Variants in DGKB observed in about 807,000 individuals in gnomAD.
The protein encoded by DGKB is diacylglycerol kinase beta.
DGKB carries 67 observed loss-of-function variants against 114.3 expected under a neutral mutation model. The observed-to-expected ratio is 0.59, with a 90% CI of 0.48 to 0.72. The LOEUF (loss-of-function observed/expected upper bound fraction) is 0.72, where lower values mean the gene tolerates loss of function less well. Ranked by LOEUF, DGKB falls within the 30% of genes least tolerant of loss-of-function variation. DGKB has a pLI of 0.00. For synonymous variants in DGKB, 398 were observed against 323.1 expected (o/e 1.23, Z -2.49); for missense variants, 907 against 975.2 (o/e 0.93, Z 0.93).
intron 2 of DGKB, among the ~76,000 whole-genome samples, chr7:14,810,868 C>T (rs1843345869): frequency 6.6e-6 from 1 of 152,168 alleles, no homozygotes; most frequent in African/African-American, 2.4e-5. Flanking sequence ...CTTGGCCTCC[C>T]AAAGTGGTGG....
intron 21 of DGKB, among the ~76,000 whole-genome samples, chr7:14,413,814 A>T (rs976238996): frequency 6.6e-6 from 1 of 152,174 alleles, no homozygotes; most frequent in Admixed American, 6.5e-5. Context: ...AATAGAAAAT[A>T]TGAAAAACAT....
intron 24 of DGKB, 40 bp downstream of exon 24, chr7:14,177,991 C>T (rs1417126391): frequency 2.6e-6 from 4 of 1,510,864 alleles, no homozygotes; most frequent in Non-Finnish European, 8.8e-7. Flanking sequence ...TGAGGCTATG[C>T]CATATCAAAC....
At chr7:14,713,119 C>T (rs1357856) in intron 6 of DGKB, among the ~76,000 whole-genome samples, 87,942 of 151,810 alleles carry the variant, frequency 0.58, 26,259 homozygotes, top group East Asian at 0.87. Flanking sequence ...TGCCCACACA[C>T]GTATTTAGTT....
intron 21 of DGKB, among the ~76,000 whole-genome samples, chr7:14,367,248 G>A (rs1563030054): frequency 6.6e-6 from 1 of 152,024 alleles, no homozygotes; most frequent in South Asian, 2.1e-4. Flanking sequence ...ATATGGTTTG[G>A]CTGTGTCCTC....
In DGKB at chr7:14,651,327, T is replaced by C. The variant is rs1007935703; in HGVS notation, c.1135-21059A>G. Among the ~76,000 whole-genome samples the C allele has an allele frequency of 5.3e-4, 80 of 152,026 alleles. No homozygotes were observed. In the East Asian group the frequency reaches 8.3e-3, roughly 16 times the overall value. On this transcript the variant is annotated intron_variant, in intron 13 of 25. Coordinates refer to ENST00000402815, the MANE Select transcript of DGKB (RefSeq NM_001350709.2). ...GATCAAGTGGGCTTCATCCCTGGGA[T>C]GCAAGGCTGGTTCAATACACGCAAA...
intron 2 of DGKB, among the ~76,000 whole-genome samples, chr7:14,773,449 G>C (rs1056904732): frequency 3.3e-5 from 5 of 152,040 alleles, no homozygotes; most frequent in African/African-American, 1.2e-4. Flanking sequence ...TTATTATGTA[G>C]AACTAAAAGG....
intron 20 of DGKB, among the ~76,000 whole-genome samples, chr7:14,550,491 T>A (rs922623284): frequency 6.6e-6 from 1 of 152,182 alleles, no homozygotes; most frequent in Non-Finnish European, 1.5e-5. Context: ...AATGTCCTAT[T>A]AGAAAGCATC....
At chr7:14,341,488 G>T (rs181165947) in intron 22 of DGKB, among the ~76,000 whole-genome samples, 1 of 151,918 alleles carries the variant, frequency 6.6e-6, no homozygotes, top group East Asian at 1.9e-4. Flanking sequence ...CAGAGGAAAA[G>T]AATATAAAAG....
chr7:14,506,299 C>T (rs934132069), intron 20 of DGKB, among the ~76,000 whole-genome samples: 22 of 152,128 alleles, frequency 1.4e-4, no homozygotes, highest in African/African-American at 5.3e-4. Flanking sequence ...CAAGTCCAGA[C>T]CTTCATATGA....
At position 14,290,200 on chromosome 7, in the gene DGKB, A is replaced by G. The variant is rs893201569; in HGVS notation, c.2122+48315T>C. Among the ~76,000 whole-genome samples the G allele has an allele frequency of 9.2e-5, 14 of 152,184 alleles. No homozygotes were observed. The South Asian group carries it at 1.0e-3, about 11-fold the overall frequency. On this transcript the variant is annotated intron_variant, in intron 23 of 25. Transcript: ENST00000402815. ...CATTCCAAGCAACTTCAGAGTTTCA[A>G]TGGATTTAAGACCTAGAAAGAGATC...
intron 1 of DGKB, among the ~76,000 whole-genome samples, chr7:14,947,491 A>C (rs1355452450): frequency 7.2e-6 from 1 of 138,666 alleles, no homozygotes; most frequent in African/African-American, 2.7e-5. Context: ...TGAAGCATTT[A>C]TGTTAAAACA....
At position 14,265,606 on chromosome 7, in the gene DGKB, C is replaced by G. The variant is rs186985582; in HGVS notation, c.2122+72909G>C. On this transcript the variant is annotated intron_variant, in intron 23 of 25. Coordinates refer to ENST00000402815, the MANE Select transcript of DGKB (RefSeq NM_001350709.2). ...GACTTCTTCATATATTCCATAGTAT[C>G]TCATCCTTGCTCTAATAATTACATT... 2.8e-4 allele frequency among the ~76,000 whole-genome samples: 43 copies of G among 152,118 alleles called. No individual in the cohort carries two copies. In the South Asian group the frequency reaches 3.7e-3, roughly 13 times the overall value.
At chr7:14,340,415 A>T (rs912939628) in intron 22 of DGKB, among the ~76,000 whole-genome samples, 1 of 151,526 alleles carries the variant, frequency 6.6e-6, no homozygotes, top group Non-Finnish European at 1.5e-5. Context: ...CTGGCTGGAT[A>T]ATTAGATAGT....
chr7:14,591,569 C>T (rs1416085040), intron 17 of DGKB, among the ~76,000 whole-genome samples: 4 of 152,034 alleles, frequency 2.6e-5, no homozygotes, highest in African/African-American at 9.7e-5. Context: ...GCTCTATAAT[C>T]ACCACTATAA....
chr7:14,728,254 C>A (rs549352094), intron 5 of DGKB, among the ~76,000 whole-genome samples: 1 of 152,074 alleles, frequency 6.6e-6, no homozygotes, highest in African/African-American at 2.4e-5. Flanking sequence ...CCTTTTATAC[C>A]GTCAGCCTCA....
chr7:14,729,594 C>A (rs974136058), intron 5 of DGKB, among the ~76,000 whole-genome samples: 1 of 152,096 alleles, frequency 6.6e-6, no homozygotes, highest in African/African-American at 2.4e-5. Flanking sequence ...CTTTCACATC[C>A]TTTCCCACCC....
rs77100315 is a variant in DGKB, at chr7:14,166,434, T to C, written c.2304+10405A>G. Among the ~76,000 whole-genome samples the C allele has an allele frequency of 9.0e-3, 1,368 of 152,302 alleles. 16 individuals carry two copies. Among genetic ancestry groups the C allele is most frequent in the African/African-American group, 0.031 (1,297 of 41,554 alleles). Reference sequence around the variant, plus strand: ...TTGGAAGGAATATGAAAATGGGGAATAATCTATGAAATCTCCAAGTCAGCA... The same window carrying C: ...TTGGAAGGAATATGAAAATGGGGAACAATCTATGAAATCTCCAAGTCAGCA... On this transcript the variant is annotated intron_variant, in intron 25 of 25. Coordinates refer to ENST00000402815, the MANE Select transcript of DGKB (RefSeq NM_001350709.2).
At chr7:14,512,238 T>A (rs550261345) in intron 20 of DGKB, among the ~76,000 whole-genome samples, 3 of 152,244 alleles carry the variant, frequency 2.0e-5, no homozygotes, top group Non-Finnish European at 4.4e-5. Flanking sequence ...AGCATACTTA[T>A]GTTTGCAAAA....
intron 23 of DGKB, among the ~76,000 whole-genome samples, chr7:14,246,377 T>C (rs775293009): frequency 3.9e-5 from 6 of 152,130 alleles, no homozygotes; most frequent in Non-Finnish European, 8.8e-5. Context: ...CTTTGCCTAA[T>C]ATCACACAGC....
Sources: allele counts gnomAD v4.1 joint callset (sites outside exome capture counted in the v4.1 genomes callset), GRCh38; gene constraint gnomAD v4.1.1; transcripts MANE v1.5; gene names NCBI Gene and HGNC (gene_info 2026-07-23, HGNC 2026-07-21).